The following NAALADL2 variants were observed in gnomAD, a reference collection of about 807,000 sequenced individuals.
The protein encoded by NAALADL2 is N-acetylated alpha-linked acidic dipeptidase like 2, also known as inactive N-acetylated-alpha-linked acidic dipeptidase-like protein 2.
Under a neutral mutation model 87.2 loss-of-function variants are expected in NAALADL2, and 76 were observed. The ratio of observed to expected loss-of-function variants is 0.87; its 90% CI spans 0.72 to 1.05. The LOEUF (loss-of-function observed/expected upper bound fraction) is 1.05. Among genes scored for constraint, NAALADL2 ranks in the 50% least tolerant of loss-of-function variants. The probability of loss-of-function intolerance (pLI) is 0.00; values close to 1 mark genes in which losing one functional copy is unlikely to be tolerated. For missense variants in NAALADL2, 1,089 were observed against 945.8 expected (o/e 1.15, Z -1.99); for synonymous variants, 354 against 331.0 (o/e 1.07, Z -0.75).
At chr3:175,581,155 G>A in intron 10 of NAALADL2, 2 of 393,206 alleles carry the variant, frequency 5.1e-6, no homozygotes, top group South Asian at 1.9e-5. Context: ...AAAAAAGGCT[G>A]AATAGGCCGG....
intron 2 of NAALADL2, among the ~76,000 whole-genome samples, chr3:175,103,960 C>G (rs943663920): frequency 4.6e-5 from 7 of 152,244 alleles, no homozygotes; most frequent in African/African-American, 1.7e-4. Context: ...TCTTTCTCAC[C>G]AGTACTAATT....
Position 174,788,522 on chromosome 3 carries a change from C to T in NAALADL2, c.-9+50776C>T, listed in dbSNP as rs548919021. ...GATGGCTGCCTTCTTGCTGTGTCCT[C>T]ACATGGTCTTCCCTCTGTTTGTGTC... On this transcript the variant is annotated intron_variant, in intron 3 of 3. Transcript: ENST00000434257. Among the ~76,000 whole-genome samples the T allele has an allele frequency of 2.6e-5, 4 of 152,252 alleles. No individual in the cohort carries two copies. In the East Asian group the frequency reaches 7.8e-4, roughly 30 times the overall value.
intron 9 of NAALADL2, among the ~76,000 whole-genome samples, chr3:175,473,608 A>T (rs975216708): frequency 8.6e-5 from 13 of 151,894 alleles, no homozygotes; most frequent in South Asian, 2.1e-4. Flanking sequence ...TCACATTTTT[A>T]AAAAATTATA....
rs183556390 is a variant in NAALADL2, at chr3:175,307,853, A to G, written c.940-16322A>G. Among the ~76,000 whole-genome samples the G allele has an allele frequency of 2.6e-5, 4 of 152,322 alleles. No homozygotes were observed. In the East Asian group the frequency reaches 7.7e-4, roughly 29 times the overall value. On this transcript the variant is annotated intron_variant, in intron 4 of 13. Transcript: ENST00000454872. Reference sequence around the variant, plus strand: ...ACACCTCACAATGTTCTGTTGTAGAAGTTTCCATTTATAAAAGCTGCTGTC... The same window carrying G: ...ACACCTCACAATGTTCTGTTGTAGAGGTTTCCATTTATAAAAGCTGCTGTC...
intron 1 of NAALADL2, among the ~76,000 whole-genome samples, chr3:174,532,588 T>C (rs892191523): frequency 1.3e-5 from 2 of 152,280 alleles, no homozygotes; most frequent in Non-Finnish European, 2.9e-5. Flanking sequence ...TATAGAATAG[T>C]GAGGGAGAAA....
intron 1 of NAALADL2, among the ~76,000 whole-genome samples, chr3:174,939,831 C>T (rs1002512230): frequency 1.7e-4 from 26 of 151,880 alleles, no homozygotes; most frequent in Non-Finnish European, 3.1e-4. Flanking sequence ...TATAGCAATG[C>T]TAGTGATTTT....
chr3:174,564,890 G>A (rs1219177336), intron 2 of NAALADL2, among the ~76,000 whole-genome samples: 1 of 151,306 alleles, frequency 6.6e-6, no homozygotes, highest in Non-Finnish European at 1.5e-5. Flanking sequence ...TTTTACATTT[G>A]TATTGAGTCT....
intron 5 of NAALADL2, among the ~76,000 whole-genome samples, chr3:175,325,527 C>T (rs1038780035): frequency 3.3e-5 from 5 of 152,200 alleles, no homozygotes; most frequent in Non-Finnish European, 7.3e-5. Flanking sequence ...CACTGTCCTG[C>T]ATTGTAATTG....
chr3:174,706,934 A>C (rs1351591135), intron 2 of NAALADL2, among the ~76,000 whole-genome samples: 1 of 152,190 alleles, frequency 6.6e-6, no homozygotes, highest in Non-Finnish European at 1.5e-5. Context: ...TTTGTCAAGA[A>C]CTCAAACAAA....
At chr3:175,382,578 G>C in intron 5 of NAALADL2, among the ~76,000 whole-genome samples, 1 of 46,676 alleles carries the variant, frequency 2.1e-5, no homozygotes, top group Non-Finnish European at 4.9e-5. Flanking sequence ...ATTGCAATGA[G>C]ACTGATAGAT....
intron 13 of NAALADL2, among the ~76,000 whole-genome samples, chr3:175,802,057 T>G (rs910614588): frequency 6.6e-6 from 1 of 152,130 alleles, no homozygotes; most frequent in Admixed American, 6.6e-5. Flanking sequence ...CTATACTGTC[T>G]GTAGCTCCAC....
At chr3:175,103,835 T>G (rs1722644753) in intron 2 of NAALADL2, among the ~76,000 whole-genome samples, 2 of 152,222 alleles carry the variant, frequency 1.3e-5, no homozygotes, top group African/African-American at 4.8e-5. Flanking sequence ...CCCTTCATTT[T>G]AACATTTAGT....
At chr3:175,478,568 A>G (rs900144927) in intron 9 of NAALADL2, among the ~76,000 whole-genome samples, 1 of 151,982 alleles carries the variant, frequency 6.6e-6, no homozygotes, top group African/African-American at 2.4e-5. Flanking sequence ...TATTAGGACT[A>G]TGTAACCAAA....
At chr3:175,148,506 T>G (rs1309149120) in intron 2 of NAALADL2, among the ~76,000 whole-genome samples, 1 of 152,154 alleles carries the variant, frequency 6.6e-6, no homozygotes, top group Non-Finnish European at 1.5e-5. Flanking sequence ...TGGTCATAAA[T>G]TTTTTCCCAA....
chr3:175,038,128 A>G (rs2108953263), intron 1 of NAALADL2, among the ~76,000 whole-genome samples: 1 of 152,262 alleles, frequency 6.6e-6, no homozygotes, highest in Middle Eastern at 3.4e-3. Flanking sequence ...AAGCCAATAA[A>G]TATTATGATA....
chr3:174,923,245 G>A (rs933317462), intron 1 of NAALADL2, among the ~76,000 whole-genome samples: 7 of 152,264 alleles, frequency 4.6e-5, no homozygotes, highest in Admixed American at 6.5e-5. Flanking sequence ...AGTGTAGTTA[G>A]TAGCTCCTGA....
At position 175,643,110 on chromosome 3, in the gene NAALADL2, T is replaced by C. The variant is rs559126394; in HGVS notation, c.1896+15724T>C. 2.0e-5 allele frequency among the ~76,000 whole-genome samples: 3 copies of C among 152,166 alleles called. No individual in the cohort carries two copies. The East Asian group carries it at 5.8e-4, about 30-fold the overall frequency. On this transcript the variant is annotated intron_variant, in intron 11 of 13. Transcript: ENST00000454872. ...AAGCATTAAATATATGTAAACCTGGTTTTGTGTTTTAGAGTAGTTGGAGAA... is the reference window on the plus strand; with the variant it reads ...AAGCATTAAATATATGTAAACCTGGCTTTGTGTTTTAGAGTAGTTGGAGAA...
chr3:174,981,614 A>G (rs971333395), intron 1 of NAALADL2, among the ~76,000 whole-genome samples: 8 of 152,220 alleles, frequency 5.3e-5, no homozygotes, highest in Non-Finnish European at 5.9e-5. Flanking sequence ...TAAATATACT[A>G]TCAGTTTTTA....
At chr3:175,209,309 T>G (rs1365346024) in intron 2 of NAALADL2, among the ~76,000 whole-genome samples, 1 of 151,986 alleles carries the variant, frequency 6.6e-6, no homozygotes, top group Non-Finnish European at 1.5e-5. Context: ...CAGTGCAGAG[T>G]CTGGAAGTGA....
Sources: allele counts gnomAD v4.1 joint callset (sites outside exome capture counted in the v4.1 genomes callset), GRCh38; gene constraint gnomAD v4.1.1; transcripts MANE v1.5; gene names NCBI Gene and HGNC (gene_info 2026-07-23, HGNC 2026-07-21).